The following RAMP1 variants were observed in gnomAD, a reference collection of about 807,000 sequenced individuals.
RAMP1 encodes the protein receptor activity-modifying protein 1.
Under a neutral mutation model 8.2 loss-of-function variants are expected in RAMP1, and 7 were observed. That is an observed-to-expected ratio of 0.85 (90% CI 0.49 to 1.60). The LOEUF (loss-of-function observed/expected upper bound fraction) is 1.60. RAMP1 is among the 40% of genes most tolerant of loss of function. The pLI is 0.00. For synonymous variants in RAMP1, 92 were observed against 84.7 expected (o/e 1.09, Z -0.47); for missense variants, 192 against 202.4 (o/e 0.95, Z 0.31).
chr2:237,864,176 A>T (rs1287426969), intron 1 of RAMP1, among the ~76,000 whole-genome samples: 1 of 152,062 alleles, frequency 6.6e-6, no homozygotes, highest in African/African-American at 2.4e-5. Flanking sequence ...AGCTCACTCC[A>T]GGGGGTGGGG....
In RAMP1 at chr2:237,880,357, ACTTT is replaced by A. The variant is rs78474389; in HGVS notation, c.191+3006_191+3009del. ...ACATTGCCCCTGGCTGTTTTTGAGC[ACTTT>A]CTTTCTTTCTGGTACCACGAGATGT... On this transcript the variant is annotated intron_variant, in intron 2 of 2. Coordinates refer to ENST00000254661, the MANE Select transcript of RAMP1 (RefSeq NM_005855.4). Among the ~76,000 whole-genome samples the A allele has an allele frequency of 7.6e-3, 1,156 of 152,208 alleles. 8 individuals carry two copies. The highest frequency in any genetic ancestry group is 0.013 in the Non-Finnish European group (909 of 68,014).
intron 2 of RAMP1, among the ~76,000 whole-genome samples, chr2:237,896,847 CTG>C (rs2062547483): frequency 6.6e-6 from 1 of 151,992 alleles, no homozygotes; most frequent in Admixed American, 6.5e-5. Flanking sequence ...GGGAGTCTCT[CTG>C]TGTTGCCCAG....
intron 2 of RAMP1, among the ~76,000 whole-genome samples, chr2:237,909,676 G>A (rs779457595): frequency 4.9e-4 from 74 of 152,172 alleles, no homozygotes; most frequent in African/African-American, 1.7e-3. Flanking sequence ...TGACACCCAC[G>A]TCCTGGGTTG....
At chr2:237,882,128 A>G (rs958023949) in intron 2 of RAMP1, among the ~76,000 whole-genome samples, 30 of 152,164 alleles carry the variant, frequency 2.0e-4, no homozygotes, top group African/African-American at 7.2e-4. Context: ...CACTTGTCCC[A>G]TTTATGCAAA....
At chr2:237,863,310 G>T (rs1045190647) in intron 1 of RAMP1, among the ~76,000 whole-genome samples, 2 of 152,162 alleles carry the variant, frequency 1.3e-5, no homozygotes, top group African/African-American at 4.8e-5. Flanking sequence ...CAGAGACGGT[G>T]CTGCCAGGGC....
chr2:237,885,412 C>T lies in RAMP1; in HGVS notation c.191+8050C>T, dbSNP rs374415407. Among the ~76,000 whole-genome samples, 106 of 152,372 alleles carry T rather than the reference C, an allele frequency of 7.0e-4. 3 individuals are homozygous for T. The East Asian group carries it at 0.019, about 27-fold the overall frequency. ...TCGTGAGCATCAGGAGCTCCCAGTACAGCATCTGGGGCTGCCTCGGTGCCC... is the reference window on the plus strand; with the variant it reads ...TCGTGAGCATCAGGAGCTCCCAGTATAGCATCTGGGGCTGCCTCGGTGCCC... On this transcript the variant is annotated intron_variant, in intron 2 of 2. Coordinates refer to ENST00000254661, the MANE Select transcript of RAMP1 (RefSeq NM_005855.4).
Position 237,878,813 on chromosome 2 carries a change from AAAC to A in RAMP1, c.191+1456_191+1458del, listed in dbSNP as rs2151009831. Among the ~76,000 whole-genome samples the A allele has an allele frequency of 6.6e-6, 1 of 152,356 alleles. No homozygotes were observed. The highest frequency in any genetic ancestry group is 2.4e-5 in the African/African-American group (1 of 41,588). On this transcript the variant is annotated intron_variant, in intron 2 of 2. Coordinates refer to ENST00000254661, the MANE Select transcript of RAMP1 (RefSeq NM_005855.4). The surrounding 1 kb of genome is among the most constrained non-coding windows in gnomAD (Gnocchi z 5.7). ...ATGCAGGTGTGCATGCTGGGATTTA[AAAC>A]AACAGAAACTCCGTACCCTCTGCTC...
rs1439597407 is a variant in RAMP1 at position 237,911,462 on chromosome 2, G to A, written c.192-66G>A. On this transcript the variant is annotated intron_variant, in intron 2 of 2. Transcript: ENST00000254661. ...ATGAGGGGCCACGGTGCAGCAGCCC[G>A]GGCTGGGGTCCCGCGTTGGATCCCC... is the stretch of plus-strand genomic sequence containing the variant. The A allele has an allele frequency of 4.0e-5, 64 of 1,583,686 alleles. 1 individual carries two copies. In the East Asian group the frequency reaches 9.7e-4, roughly 24 times the overall value.
chr2:237,878,046 C>T lies in RAMP1; in HGVS notation c.191+684C>T, dbSNP rs1196453299. 1 of 985,470 alleles carries T rather than the reference C, an allele frequency of 1.0e-6. No individual in the cohort carries two copies. The highest frequency in any genetic ancestry group is 1.2e-6 in the Non-Finnish European group (1 of 829,926). The allele number at this position is 985,470 out of a possible 1,614,324, so 61.0% of individuals were successfully genotyped here. On this transcript the variant is annotated intron_variant, in intron 2 of 2. Transcript: ENST00000254661. The surrounding 1 kb of genome is among the most constrained non-coding windows in gnomAD (Gnocchi z 5.7). ...GATCAGAACTCGGCATGTCCGCAAT[C>T]GACTTTCAAGTCCTTGTTTCTGCCT...
intron 1 of RAMP1, among the ~76,000 whole-genome samples, chr2:237,866,206 C>G (rs1336844495): frequency 7.2e-5 from 11 of 152,080 alleles, no homozygotes; most frequent in African/African-American, 2.7e-4. Context: ...ATGACTCATT[C>G]AGTGTCTAGG....
chr2:237,871,451 C>G (rs2062244250), intron 1 of RAMP1, among the ~76,000 whole-genome samples: 1 of 152,216 alleles, frequency 6.6e-6, no homozygotes, highest in Non-Finnish European at 1.5e-5. Context: ...ATGCAGGGAG[C>G]AGATGCTCAC....
intron 1 of RAMP1, among the ~76,000 whole-genome samples, chr2:237,868,806 G>A (rs185306219): frequency 2.4e-4 from 36 of 152,218 alleles, no homozygotes; most frequent in Non-Finnish European, 4.6e-4. Context: ...TCTTTAGCAC[G>A]TGAATTGTTT....
At chr2:237,881,399 G>A (rs760243640) in intron 2 of RAMP1, among the ~76,000 whole-genome samples, 3 of 152,240 alleles carry the variant, frequency 2.0e-5, no homozygotes, top group Admixed American at 1.3e-4. Flanking sequence ...TCACGCATCC[G>A]TGTTTTCCCA....
chr2:237,910,455 T>A (rs1017682978), intron 2 of RAMP1, among the ~76,000 whole-genome samples: 2 of 138,008 alleles, frequency 1.4e-5, no homozygotes, highest in South Asian at 2.3e-4. Context: ...AGAATAACAG[T>A]CACACACAGA....
intron 1 of RAMP1, among the ~76,000 whole-genome samples, chr2:237,863,690 CA>C (rs1428448006): frequency 6.6e-6 from 1 of 152,092 alleles, no homozygotes. Flanking sequence ...GAGCAGGGTC[CA>C]GGGGGACACA....
At chr2:237,883,490 C>T (rs910410294) in intron 2 of RAMP1, among the ~76,000 whole-genome samples, 3 of 152,064 alleles carry the variant, frequency 2.0e-5, no homozygotes, top group South Asian at 2.1e-4. Context: ...CTGCTTTACT[C>T]AGGACGTTGA....
rs950289760 is a variant in RAMP1 at position 237,877,005 on chromosome 2, AC to A, written c.53-218del. ...TGCCCTGGCCCAAGCTGGCACGGGCACTGAGGGCCAAGCCACCCTTAGCAGG... is the reference window on the plus strand; with the variant it reads ...TGCCCTGGCCCAAGCTGGCACGGGCATGAGGGCCAAGCCACCCTTAGCAGG... On this transcript the variant is annotated intron_variant, in intron 1 of 2. Transcript: ENST00000254661. The surrounding 1 kb of genome is among the most constrained non-coding windows in gnomAD (Gnocchi z 4.4). Among the ~76,000 whole-genome samples, 1 of 152,188 alleles carries A rather than the reference AC, an allele frequency of 6.6e-6. No individual in the cohort carries two copies. The highest frequency in any genetic ancestry group is 2.4e-5 in the African/African-American group (1 of 41,460).
rs1352626687 is a variant in RAMP1, at chr2:237,865,669, A to C, written c.52+5942A>C. On this transcript the variant is annotated intron_variant, in intron 1 of 2. Transcript: ENST00000254661. This position sits in a 1 kb window ranked among gnomAD's most constrained non-coding sequence, Gnocchi z 4.2. ...AAGGGTTCAGAAAGAGGTATGGCCA[A>C]GAGAGGTGTTTCTGGCGGCAGCAGG... Among the ~76,000 whole-genome samples, 4 of 152,188 alleles carry C rather than the reference A, an allele frequency of 2.6e-5. No individual in the cohort carries two copies. Among genetic ancestry groups the C allele is most frequent in the Non-Finnish European group, 5.9e-5 (4 of 68,034 alleles).
chr2:237,904,093 C>T (rs1315124954), intron 2 of RAMP1, among the ~76,000 whole-genome samples: 2 of 152,208 alleles, frequency 1.3e-5, no homozygotes, highest in African/African-American at 4.8e-5. Flanking sequence ...TTTCATTTCA[C>T]ATGCTTAGTA....
Sources: allele counts gnomAD v4.1 joint callset (sites outside exome capture counted in the v4.1 genomes callset), GRCh38; gene constraint gnomAD v4.1.1; non-coding constraint Gnocchi (gnomAD v3.1); transcripts MANE v1.5; gene names NCBI Gene and HGNC (gene_info 2026-07-23, HGNC 2026-07-21).